MBD3: variants seen among roughly 807,000 people sequenced by gnomAD.
The protein encoded by MBD3 is methyl-CpG binding domain protein 3.
Under a neutral mutation model 31.2 loss-of-function variants are expected in MBD3, and 13 were observed. That is an observed-to-expected ratio of 0.42 (90% CI 0.27 to 0.66). MBD3 has a LOEUF of 0.66. Among genes scored for constraint, MBD3 ranks in the 30% least tolerant of loss-of-function variants. MBD3 has a pLI of 0.26. For synonymous variants in MBD3, 223 were observed against 187.4 expected, an observed-to-expected ratio of 1.19 and a Z score of -1.55; for missense variants, 440 against 426.5, an observed-to-expected ratio of 1.03 and a Z score of -0.28.
At position 1,576,926 on chromosome 19, in the gene MBD3, G is replaced by A. The variant is rs868214055; in HGVS notation, c.*1238C>T. ...AGCTGCCAGCCCACTGCCTCCATGC[G>A]GGTCCTTGGAGGGCAGACGGTGGAG... On this transcript the variant is annotated 3_prime_UTR_variant, in exon 7 of 7. Coordinates refer to ENST00000434436, the MANE Select transcript of MBD3 (RefSeq NM_001281453.2). 5 of 152,314 alleles carry A rather than the reference G, an allele frequency of 3.3e-5. No individual in the cohort carries two copies. The highest frequency in any genetic ancestry group is 1.9e-4 in the East Asian group (1 of 5,196). 9.4% of individuals were successfully genotyped at this position (152,314 alleles called of 1,614,324 possible). A position where few individuals can be genotyped will look rare whatever the true frequency, so the allele number is the denominator to read the frequency against.
intron 1 of MBD3, among the ~76,000 whole-genome samples, chr19:1,586,996 C>T (rs917397764): frequency 6.8e-6 from 1 of 146,482 alleles, no homozygotes; most frequent in Non-Finnish European, 1.5e-5. Context: ...GACGGAGTCT[C>T]GCTCTGTCAC....
Position 1,578,041 on chromosome 19 carries a change from C to G in MBD3, c.*123G>C. The G allele has an allele frequency of 1.9e-6, 1 of 525,924 alleles. No homozygotes were observed. The highest frequency in any genetic ancestry group is 1.9e-5 in the African/African-American group (1 of 52,454). The allele number at this position is 525,924 out of a possible 1,614,324, so 32.6% of individuals were successfully genotyped here. Reference sequence around the variant, plus strand: ...CGGGCCGAGGAGGGAGCCAGGAGCACGGCCTTCCTCCTGGGTGTCTCCAAG... The same window carrying G: ...CGGGCCGAGGAGGGAGCCAGGAGCAGGGCCTTCCTCCTGGGTGTCTCCAAG... On this transcript the variant is annotated 3_prime_UTR_variant, in exon 7 of 7. Transcript: ENST00000434436. The surrounding 1 kb of genome is among the most constrained non-coding windows in gnomAD (Gnocchi z 6.1).
In MBD3 at chr19:1,573,767, T is replaced by C. The variant is rs753132317; in HGVS notation, c.*4397A>G. Reference sequence around the variant, plus strand: ...TAAAACTGAGCAGGGAAGGCAGTTTTGTGGTCTCATATTATTTGCCCTCAA... The same window carrying C: ...TAAAACTGAGCAGGGAAGGCAGTTTCGTGGTCTCATATTATTTGCCCTCAA... On this transcript the variant is annotated 3_prime_UTR_variant, in exon 7 of 7. Transcript: ENST00000434436. 6.6e-6 allele frequency: 1 copy of C among 152,212 alleles called. No homozygotes were observed. Among genetic ancestry groups the C allele is most frequent in the Non-Finnish European group, 1.5e-5 (1 of 68,050 alleles). The allele number at this position is 152,212 out of a possible 1,614,324, so 9.4% of individuals were successfully genotyped here.
intron 5 of MBD3, among the ~76,000 whole-genome samples, chr19:1,579,458 C>T (rs530077171): frequency 1.7e-4 from 26 of 152,252 alleles, no homozygotes; most frequent in East Asian, 1.4e-3. Context: ...CCTCCGGGGC[C>T]GCAGCACGTG....
rs1917195999 is a variant in MBD3, at chr19:1,576,541, CTT to C, written c.*1621_*1622del. 2 of 152,412 alleles carry C rather than the reference CTT, an allele frequency of 1.3e-5. No homozygotes were observed. The highest frequency in any genetic ancestry group is 6.5e-5 in the Admixed American group (1 of 15,308). 9.4% of individuals were successfully genotyped at this position (152,412 alleles called of 1,614,324 possible). On this transcript the variant is annotated 3_prime_UTR_variant, in exon 7 of 7. Coordinates refer to ENST00000434436, the MANE Select transcript of MBD3 (RefSeq NM_001281453.2). ...TCTCTGAATACCCCTAAGCCTGACT[CTT>C]GGGTTGTGAATGTCCGCGAGGTTGG...
intron 5 of MBD3, among the ~76,000 whole-genome samples, chr19:1,580,592 C>A (rs1917329540): frequency 6.6e-6 from 1 of 152,258 alleles, no homozygotes; most frequent in Admixed American, 6.5e-5. Flanking sequence ...ACTCTGCACA[C>A]TGGAAGTGGG....
chr19:1,591,323 T>G (rs2145612482), intron 1 of MBD3, among the ~76,000 whole-genome samples: 1 of 152,346 alleles, frequency 6.6e-6, no homozygotes, highest in Admixed American at 6.5e-5. Flanking sequence ...GAGCTCCTCC[T>G]GCAGGACGAG....
chr19:1,589,924 T>A (rs2060696133), intron 1 of MBD3, among the ~76,000 whole-genome samples: 1 of 152,170 alleles, frequency 6.6e-6, no homozygotes, highest in South Asian at 2.1e-4. Flanking sequence ...GGGGAGTGAC[T>A]GCTAATGAGG....
intron 3 of MBD3, 39 bp downstream of exon 3, chr19:1,584,501 C>T (rs758492453): frequency 6.2e-7 from 1 of 1,609,170 alleles, no homozygotes; most frequent in African/African-American, 1.3e-5. Context: ...AGTGAACAAC[C>T]CGGCCGGGAA....
At chr19:1,581,354 G>T (rs1262043577) in intron 4 of MBD3, 85 bp from the exon 5 acceptor site, 7 of 1,394,166 alleles carry the variant, frequency 5.0e-6, no homozygotes, top group Middle Eastern at 4.8e-4. Context: ...AATGCCCCAA[G>T]AATGGGAGCT....
chr19:1,590,528 G>A (rs962967092), intron 1 of MBD3, among the ~76,000 whole-genome samples: 9 of 152,112 alleles, frequency 5.9e-5, no homozygotes, highest in African/African-American at 1.7e-4. Context: ...TGAGCTGAGA[G>A]GGTCGCCTGA....
intron 1 of MBD3, 95 bp downstream of exon 1, chr19:1,592,427 C>T (rs1439230747): frequency 9.3e-5 from 34 of 365,062 alleles, no homozygotes; most frequent in South Asian, 2.8e-4. Context: ...ACGCGCGGGG[C>T]CCAGGCCGCG....
chr19:1,579,372 A>G (rs1917295638), intron 5 of MBD3, among the ~76,000 whole-genome samples: 1 of 151,514 alleles, frequency 6.6e-6, no homozygotes, highest in Admixed American at 6.6e-5. Flanking sequence ...ACCCACCACC[A>G]GGGATGGGGG....
Position 1,585,376 on chromosome 19 carries a change from C to G in MBD3, c.111-162G>C. On this transcript the variant is annotated intron_variant, in intron 1 of 6. Coordinates refer to ENST00000434436, the MANE Select transcript of MBD3 (RefSeq NM_001281453.2). This position sits in a 1 kb window ranked among gnomAD's most constrained non-coding sequence, Gnocchi z 4.1. ...CCCAAACCCAGGCAGGCCCTGGCCC[C>G]AGCCCCAGACCCCAACCCTGGCGTG... 1.4e-6 allele frequency: 1 copy of G among 721,544 alleles called. No individual in the cohort carries two copies. The highest frequency in any genetic ancestry group is 2.3e-6 in the Non-Finnish European group (1 of 442,940). 44.7% of individuals were successfully genotyped at this position (721,544 alleles called of 1,614,324 possible).
At position 1,585,351 on chromosome 19, in the gene MBD3, C is replaced by T; in HGVS notation, c.111-137G>A. On this transcript the variant is annotated intron_variant, in intron 1 of 6. Coordinates refer to ENST00000434436, the MANE Select transcript of MBD3 (RefSeq NM_001281453.2). This position sits in a 1 kb window ranked among gnomAD's most constrained non-coding sequence, Gnocchi z 4.1. ...CCCCAGACCCCAACACGGCCCTGAC[C>T]CCAAACCCAGGCAGGCCCTGGCCCC... 1 of 972,264 alleles carries T rather than the reference C, an allele frequency of 1.0e-6. No homozygotes were observed. Among genetic ancestry groups the T allele is most frequent in the Non-Finnish European group, 1.5e-6 (1 of 665,066 alleles). The allele number at this position is 972,264 out of a possible 1,614,324, so 60.2% of individuals were successfully genotyped here. A position where few individuals can be genotyped will look rare whatever the true frequency, so the allele number is the denominator to read the frequency against.
rs375251704 is a variant in MBD3, at chr19:1,578,650, A to AC, written c.678-113dup. On this transcript the variant is annotated intron_variant, in intron 5 of 6. Transcript: ENST00000434436. This position sits in a 1 kb window ranked among gnomAD's most constrained non-coding sequence, Gnocchi z 6.1. ...GGGGAGGCCCGAGGGATCCACAGGC[A>AC]CCCCCCCAGGACCAGCCCTGGCCCG... is the stretch of plus-strand genomic sequence containing the variant. 2.9e-5 allele frequency: 46 copies of AC among 1,589,936 alleles called. No individual in the cohort carries two copies. The highest frequency in any genetic ancestry group is 1.6e-4 in the African/African-American group (12 of 74,626).
Position 1,581,075 on chromosome 19 carries a change from C to G in MBD3, c.677+17G>C. 2 of 1,614,002 alleles carry G rather than the reference C, an allele frequency of 1.2e-6. No individual in the cohort carries two copies. The highest frequency in any genetic ancestry group is 1.3e-5 in the African/African-American group (1 of 75,030). On this transcript the variant is annotated intron_variant, in intron 5 of 6. Transcript: ENST00000434436. ...AGAGACAGGGTGGAGCAGCAGGGGA[C>G]CAGGCCAAGGGGCTACCTGATGTCC...
rs1021617912 is a variant in MBD3 at position 1,578,129 on chromosome 19, A to G, written c.*35T>C. ...GAGGACCGCGTCTGCAGGCGGCTCC[A>G]GCAGGCAGCACGGGCTCTCGGCAGG... On this transcript the variant is annotated 3_prime_UTR_variant, in exon 7 of 7. Transcript: ENST00000434436. The surrounding 1 kb of genome is among the most constrained non-coding windows in gnomAD (Gnocchi z 6.1). The G allele has an allele frequency of 1.3e-6, 1 of 761,550 alleles. No homozygotes were observed. The highest frequency in any genetic ancestry group is 2.1e-6 in the Non-Finnish European group (1 of 481,696). 47.2% of individuals were successfully genotyped at this position (761,550 alleles called of 1,614,324 possible). A position where few individuals can be genotyped will look rare whatever the true frequency, so the allele number is the denominator to read the frequency against.
chr19:1,575,333 G>A lies in MBD3; in HGVS notation c.*2831C>T, dbSNP rs1233937469. The A allele has an allele frequency of 2.3e-6, 1 of 438,026 alleles. No homozygotes were observed. The highest frequency in any genetic ancestry group is 4.7e-6 in the Non-Finnish European group (1 of 213,018). 27.1% of individuals were successfully genotyped at this position (438,026 alleles called of 1,614,324 possible). On this transcript the variant is annotated 3_prime_UTR_variant, in exon 7 of 7. Transcript: ENST00000434436. ...GGCTGAGGCTTGAACCCAGAAGGTG[G>A]AGGTTGCAGTGAGCCCAGATCACGC...
Sources: gnomAD v4.1 joint callset for allele counts (sites outside exome capture counted in the v4.1 genomes callset) on GRCh38, gnomAD v4.1.1 for gene constraint, Gnocchi (gnomAD v3.1) non-coding constraint, MANE v1.5 for transcripts, NCBI Gene and HGNC (gene_info 2026-07-23, HGNC 2026-07-21) for gene names.